The following MTUS2 variants were observed in gnomAD, a reference collection of about 807,000 sequenced individuals.
MTUS2 encodes microtubule-associated tumor suppressor candidate 2.
Under a neutral mutation model 114.1 loss-of-function variants are expected in MTUS2, and 40 were observed. That is an observed-to-expected ratio of 0.35 (90% confidence interval 0.27 to 0.46). The LOEUF (loss-of-function observed/expected upper bound fraction) is 0.46. Ranked by LOEUF, MTUS2 falls within the 20% of genes least tolerant of loss-of-function variation. The pLI, the probability that MTUS2 is intolerant of heterozygous loss-of-function variation, is 1.00. For synonymous variants in MTUS2, 688 were observed against 672.0 expected, an observed-to-expected ratio of 1.02 and a Z score of -0.37; for missense variants, 1,679 against 1,705.4, an observed-to-expected ratio of 0.98 and a Z score of 0.27.
chr13:29,376,962 A>ATAAG (rs56391801), intron 8 of MTUS2, among the ~76,000 whole-genome samples: 1 of 151,370 alleles, frequency 6.6e-6, no homozygotes, highest in African/African-American at 2.4e-5. Flanking sequence ...CAAATGAAAA[A>ATAAG]CTGGAGTAGC....
chr13:29,034,381 C>A (rs1432477044), intron 4 of MTUS2, among the ~76,000 whole-genome samples: 1 of 152,070 alleles, frequency 6.6e-6, no homozygotes, highest in Non-Finnish European at 1.5e-5. Flanking sequence ...TCTAATATGC[C>A]CTATAAAACA....
chr13:29,211,710 A>T (rs1184955469), intron 5 of MTUS2, among the ~76,000 whole-genome samples: 1 of 151,842 alleles, frequency 6.6e-6, no homozygotes, highest in African/African-American at 2.4e-5. Flanking sequence ...TTCTCCCGTG[A>T]TCTGGTTCTT....
chr13:28,917,540 T>C (rs377526101), intron 2 of MTUS2, among the ~76,000 whole-genome samples: 1 of 151,608 alleles, frequency 6.6e-6, no homozygotes, highest in East Asian at 1.9e-4. Context: ...AATGATTCTT[T>C]GAATTTCTAT....
At chr13:29,492,614 A>C in intron 11 of MTUS2, 32 bp from the exon 12 acceptor site, 2 of 1,572,806 alleles carry the variant, frequency 1.3e-6, no homozygotes, top group Non-Finnish European at 1.7e-6. Flanking sequence ...CAAAAGAAAG[A>C]CCAACTTGAC....
At chr13:29,071,691 G>T (rs750402827) in intron 4 of MTUS2, among the ~76,000 whole-genome samples, 29 of 152,116 alleles carry the variant, frequency 1.9e-4, no homozygotes, top group Non-Finnish European at 3.5e-4. Flanking sequence ...CTCCCAAAGT[G>T]CTGGGATTAC....
At chr13:29,153,752 T>C (rs1892752326) in intron 5 of MTUS2, among the ~76,000 whole-genome samples, 1 of 152,250 alleles carries the variant, frequency 6.6e-6, no homozygotes, top group South Asian at 2.1e-4. Flanking sequence ...TACTTCTCTT[T>C]ATTTTCCTCT....
rs192113440 is a variant in MTUS2 at position 28,991,619 on chromosome 13, C to T, written c.-242-32838C>T. Reference sequence around the variant, plus strand: ...TCCTGACCTCATGATCTGCCTGTCTCGGCCTCCCAAAGTGCTGGGATTACA... The same window carrying T: ...TCCTGACCTCATGATCTGCCTGTCTTGGCCTCCCAAAGTGCTGGGATTACA... On this transcript the variant is annotated intron_variant, in intron 2 of 15. Coordinates refer to ENST00000612955, the MANE Select transcript of MTUS2 (RefSeq NM_001033602.4). Among the ~76,000 whole-genome samples the T allele has an allele frequency of 2.7e-3, 412 of 152,280 alleles. 11 individuals carry two copies. The highest frequency in any genetic ancestry group is 0.01 in the Middle Eastern group (3 of 294).
intron 9 of MTUS2, among the ~76,000 whole-genome samples, chr13:29,471,205 T>G (rs1233605235): frequency 2.0e-5 from 3 of 151,872 alleles, no homozygotes; most frequent in Admixed American, 2.0e-4. Flanking sequence ...TAGCTGGGCT[T>G]GGTGGCGCGT....
At chr13:29,169,397 A>G (rs1229845321) in intron 5 of MTUS2, among the ~76,000 whole-genome samples, 1 of 152,208 alleles carries the variant, frequency 6.6e-6, no homozygotes, top group African/African-American at 2.4e-5. Context: ...TTGGAAGAGA[A>G]AATGGTTCTG....
At chr13:28,908,576 A>C (rs924321638) in intron 2 of MTUS2, among the ~76,000 whole-genome samples, 1 of 151,466 alleles carries the variant, frequency 6.6e-6, no homozygotes, top group Non-Finnish European at 1.5e-5. Context: ...AGTCTTTGCT[A>C]TTGTGAATAG....
chr13:28,903,614 T>C (rs1179151697), intron 2 of MTUS2, among the ~76,000 whole-genome samples: 2 of 151,980 alleles, frequency 1.3e-5, no homozygotes, highest in African/African-American at 4.8e-5. Flanking sequence ...TATGGCTGCA[T>C]AGCATTCCAT....
At chr13:29,120,749 G>A (rs1208589780) in intron 5 of MTUS2, among the ~76,000 whole-genome samples, 2 of 152,180 alleles carry the variant, frequency 1.3e-5, no homozygotes, top group South Asian at 2.1e-4. Context: ...CTTGGGGTCC[G>A]ATGTGCATTG....
At chr13:28,981,258 C>T (rs1208946231) in intron 2 of MTUS2, among the ~76,000 whole-genome samples, 2 of 152,250 alleles carry the variant, frequency 1.3e-5, no homozygotes, top group African/African-American at 4.8e-5. Flanking sequence ...ATGGATTAAT[C>T]TCAAACAAAT....
chr13:29,422,253 A>G (rs1876162636), intron 8 of MTUS2, among the ~76,000 whole-genome samples: 1 of 152,226 alleles, frequency 6.6e-6, no homozygotes, highest in South Asian at 2.1e-4. Context: ...ATGACCCCTC[A>G]TAATCACTTC....
chr13:28,910,944 C>T (rs1251873952), intron 2 of MTUS2, among the ~76,000 whole-genome samples: 11 of 122,440 alleles, frequency 9.0e-5, no homozygotes, highest in Non-Finnish European at 1.4e-4. Context: ...GGCGTGATCT[C>T]GGCTCAGTGC....
At chr13:29,299,426 A>G (rs141607383) in intron 6 of MTUS2, among the ~76,000 whole-genome samples, 18 of 152,332 alleles carry the variant, frequency 1.2e-4, no homozygotes, top group African/African-American at 4.3e-4. Flanking sequence ...ACCTGGGGAA[A>G]TCATGGTGAA....
intron 5 of MTUS2, among the ~76,000 whole-genome samples, chr13:29,105,736 G>A (rs182361660): frequency 2.0e-5 from 3 of 151,112 alleles, no homozygotes; most frequent in African/African-American, 2.4e-5. Flanking sequence ...AGAGGCTGAC[G>A]TTCGCATAAA....
At chr13:29,124,152 A>G (rs181779061) in intron 5 of MTUS2, among the ~76,000 whole-genome samples, 41 of 152,346 alleles carry the variant, frequency 2.7e-4, no homozygotes, top group African/African-American at 9.9e-4. Context: ...TATTCAGGAA[A>G]CTTCTATTTT....
At chr13:28,875,188 C>G (rs1877858620) in intron 2 of MTUS2, among the ~76,000 whole-genome samples, 2 of 151,884 alleles carry the variant, frequency 1.3e-5, no homozygotes, top group South Asian at 4.2e-4. Context: ...CCAGATAGCA[C>G]AGTACTTGGT....
Sources: gnomAD v4.1 joint callset for allele counts (sites outside exome capture counted in the v4.1 genomes callset) on GRCh38, gnomAD v4.1.1 for gene constraint, MANE v1.5 for transcripts, NCBI Gene and HGNC (gene_info 2026-07-23, HGNC 2026-07-21) for gene names.